The following CPT1A variants were observed in gnomAD, a reference collection of about 807,000 sequenced individuals.
CPT1A encodes the protein carnitine O-palmitoyltransferase 1, liver isoform.
In CPT1A, 64 loss-of-function variants were observed where a neutral mutation model predicts 100.8. The ratio of observed to expected loss-of-function variants is 0.63; its 90% confidence interval spans 0.52 to 0.78. CPT1A has a LOEUF of 0.78. Ranked by LOEUF, CPT1A falls within the 30% of genes least tolerant of loss-of-function variation. The pLI, the probability that CPT1A is intolerant of heterozygous loss-of-function variation, is 0.00. For missense variants in CPT1A, 802 were observed against 1,034.1 expected (o/e 0.78, Z 3.08); for synonymous variants, 363 against 396.0 (o/e 0.92, Z 0.99).
At chr11:68,784,321 G>C (rs1855392531) in intron 10 of CPT1A, among the ~76,000 whole-genome samples, 1 of 152,172 alleles carries the variant, frequency 6.6e-6, no homozygotes, top group African/African-American at 2.4e-5. Context: ...AGAACTTTGG[G>C]AGGCCAAGGT....
chr11:68,837,724 A>G (rs1398777228), intron 1 of CPT1A, among the ~76,000 whole-genome samples: 6 of 152,072 alleles, frequency 3.9e-5, no homozygotes, highest in Non-Finnish European at 8.8e-5. Context: ...CTGTAATCCC[A>G]GTGCTTTGGG....
chr11:68,784,868 G>A lies in CPT1A; in HGVS notation c.1110C>T (p.Thr370=), dbSNP rs768865335. The change falls in exon 10 of 19, where the codon ACC becomes ACT. Residue 370 remains threonine, a synonymous_variant. Coordinates refer to ENST00000265641, the MANE Select transcript of CPT1A (RefSeq NM_001876.4). ...TGGCCTCCCCGGGCTGAGGCTCCGA[G>A]GTATTGTCCAGGATCCTCTGCATCT... is the stretch of plus-strand genomic sequence containing the variant. ...EQQMQRILDN[T]SEPQPGEARL... 3 of 1,613,690 alleles carry A rather than the reference G, an allele frequency of 1.9e-6. No individual in the cohort carries two copies. Among genetic ancestry groups the A allele is most frequent in the Middle Eastern group, 1.6e-4 (1 of 6,084 alleles).
rs769217114 is a variant in CPT1A at position 68,759,631 on chromosome 11, T to TGTAC, written c.2169_2172dup (p.Ile725ValfsTer21). On this transcript the variant is annotated frameshift_variant, in exon 18 of 19. Coordinates refer to ENST00000265641, the MANE Select transcript of CPT1A (RefSeq NM_001876.4). LOFTEE classifies it high-confidence loss of function. ...TTGATGAGGTTCTCTCCCACAAGGA[T>TGTAC]GTACGACACACCATAGCCGTCATCA... is the stretch of plus-strand genomic sequence containing the variant. 6.2e-7 allele frequency: 1 copy of TGTAC among 1,613,928 alleles called. No individual in the cohort carries two copies. Among genetic ancestry groups the TGTAC allele is most frequent in the Non-Finnish European group, 8.5e-7 (1 of 1,179,824 alleles).
chr11:68,800,437 T>A (rs1321947541), intron 5 of CPT1A, among the ~76,000 whole-genome samples: 1 of 148,452 alleles, frequency 6.7e-6, no homozygotes, highest in Non-Finnish European at 1.5e-5. Context: ...GCCCAAGCAA[T>A]CTTGACCAGT....
intron 1 of CPT1A, among the ~76,000 whole-genome samples, chr11:68,835,168 A>T (rs896007637): frequency 6.6e-6 from 1 of 152,256 alleles, no homozygotes; most frequent in African/African-American, 2.4e-5. Context: ...AGACCCAGTT[A>T]TCTGACCTAG....
chr11:68,821,754 C>G (rs1856590785), intron 1 of CPT1A, among the ~76,000 whole-genome samples: 1 of 152,006 alleles, frequency 6.6e-6, no homozygotes. Flanking sequence ...TTGGTTAAAT[C>G]CACAGAAGCA....
At chr11:68,779,907 A>C (rs1855259507) in intron 12 of CPT1A, among the ~76,000 whole-genome samples, 3 of 152,002 alleles carry the variant, frequency 2.0e-5, no homozygotes, top group Non-Finnish European at 2.9e-5. Flanking sequence ...ATGATGTCTT[A>C]GGTAAAAGAC....
intron 1 of CPT1A, among the ~76,000 whole-genome samples, chr11:68,816,846 T>A (rs1856413269): frequency 7.2e-6 from 1 of 138,284 alleles, no homozygotes; most frequent in South Asian, 2.4e-4. Flanking sequence ...GTGTGGTGTG[T>A]GCGTGTGTGG....
At chr11:68,834,408 C>A (rs936126357) in intron 1 of CPT1A, among the ~76,000 whole-genome samples, 1 of 152,034 alleles carries the variant, frequency 6.6e-6, no homozygotes, top group African/African-American at 2.4e-5. Flanking sequence ...TGCACCCCAG[C>A]CTGGGTGACA....
In CPT1A at chr11:68,815,410, C is replaced by T. The variant is rs141658962; in HGVS notation, c.65G>A (p.Arg22Gln). The change falls in exon 2 of 19, where the codon CGG becomes CAG. Residue 22 changes from arginine (R) to glutamine (Q), a missense_variant. Arg to Gln is a conservative substitution (Grantham distance 43). Coordinates refer to ENST00000265641, the MANE Select transcript of CPT1A (RefSeq NM_001876.4). ...TTGTCTAAGAGCTTCATGGCTCAGCCGCAGGTCAATCCCGTCCGGAGTGAC... is the reference window on the plus strand; with the variant it reads ...TTGTCTAAGAGCTTCATGGCTCAGCTGCAGGTCAATCCCGTCCGGAGTGAC... ...FTVTPDGIDLRLSHEALRQIY... is the reference protein window; with the variant it reads ...FTVTPDGIDLQLSHEALRQIY... 18 of 1,614,018 alleles carry T rather than the reference C, an allele frequency of 1.1e-5. No homozygotes were observed. Among genetic ancestry groups the T allele is most frequent in the African/African-American group, 5.3e-5 (4 of 74,920 alleles).
intron 1 of CPT1A, among the ~76,000 whole-genome samples, chr11:68,828,666 T>C (rs184414018): frequency 1.2e-3 from 185 of 152,310 alleles, no homozygotes; most frequent in African/African-American, 4.3e-3. Flanking sequence ...GGCAGCCTCT[T>C]TGCTCACCCC....
At chr11:68,775,179 C>T (rs777393473) in intron 13 of CPT1A, 137 bp downstream of exon 13, 55 of 737,718 alleles carry the variant, frequency 7.5e-5, no homozygotes, top group Non-Finnish European at 1.2e-4. Context: ...ACTCCCTGAG[C>T]AAACAACTTT....
chr11:68,776,454 A>G (rs1034189882), intron 12 of CPT1A, among the ~76,000 whole-genome samples: 1 of 152,318 alleles, frequency 6.6e-6, no homozygotes, highest in East Asian at 1.9e-4. Context: ...GACATAGAAG[A>G]CCACATATTG....
chr11:68,790,887 G>T (rs763864226), intron 9 of CPT1A, among the ~76,000 whole-genome samples: 1 of 151,966 alleles, frequency 6.6e-6, no homozygotes, highest in Non-Finnish European at 1.5e-5. Flanking sequence ...GCAGTGGCAT[G>T]ATCTTGGCTC....
Position 68,785,015 on chromosome 11 carries a change from G to C in CPT1A, c.968-5C>G. 6.2e-7 allele frequency: 1 copy of C among 1,613,262 alleles called. No individual in the cohort carries two copies. The highest frequency in any genetic ancestry group is 8.5e-7 in the Non-Finnish European group (1 of 1,179,988). ...CTCTCATGTGCTGGATGGTGTCTGA[G>C]CCGGCCGCAGGTTGGAGACACAAAA... On this transcript the variant is annotated splice_polypyrimidine_tract_variant and splice_region_variant and intron_variant, in intron 9 of 18. Transcript: ENST00000265641.
In CPT1A at chr11:68,760,196, T is replaced by C. The variant is rs763554146; in HGVS notation, c.2142+29A>G. On this transcript the variant is annotated intron_variant, in intron 17 of 18. Coordinates refer to ENST00000265641, the MANE Select transcript of CPT1A (RefSeq NM_001876.4). Reference sequence around the variant, plus strand: ...TACCCATCCCATCACCACGCCCCACTGCGCCTCGCCCAGCCCCGCCGCACT... The same window carrying C: ...TACCCATCCCATCACCACGCCCCACCGCGCCTCGCCCAGCCCCGCCGCACT... The C allele has an allele frequency of 2.6e-6, 4 of 1,524,218 alleles. No homozygotes were observed. The East Asian group carries it at 6.9e-5, about 26-fold the overall frequency. 94.4% of individuals were successfully genotyped at this position (1,524,218 alleles called of 1,614,324 possible).
In CPT1A at chr11:68,775,437, CA is replaced by C; in HGVS notation, c.1459-6del. On this transcript the variant is annotated splice_region_variant and splice_polypyrimidine_tract_variant and intron_variant, in intron 12 of 18. Coordinates refer to ENST00000265641, the MANE Select transcript of CPT1A (RefSeq NM_001876.4). ...GCTGTCAATGGACATGACGTACTGTCAAAAATAGAACAAAATTATTAAAACT... is the reference window on the plus strand; with the variant it reads ...GCTGTCAATGGACATGACGTACTGTCAAAATAGAACAAAATTATTAAAACT... The C allele has an allele frequency of 6.2e-7, 1 of 1,606,070 alleles. No individual in the cohort carries two copies. Among genetic ancestry groups the C allele is most frequent in the Non-Finnish European group, 8.5e-7 (1 of 1,172,728 alleles).
chr11:68,797,104 G>A (rs999348302), intron 6 of CPT1A, among the ~76,000 whole-genome samples, 171 bp from the exon 7 acceptor site: 6 of 152,114 alleles, frequency 3.9e-5, no homozygotes, highest in African/African-American at 9.7e-5. Context: ...GATGGAATGC[G>A]ACACCGTGGG....
chr11:68,811,454 C>T (rs1263467800), intron 3 of CPT1A, among the ~76,000 whole-genome samples: 7 of 152,122 alleles, frequency 4.6e-5, no homozygotes, highest in African/African-American at 1.7e-4. Flanking sequence ...CACGAGGAAG[C>T]TGAGTTGCCC....
Sources: allele counts gnomAD v4.1 joint callset (sites outside exome capture counted in the v4.1 genomes callset), GRCh38; gene constraint gnomAD v4.1.1; transcripts MANE v1.5; gene names NCBI Gene and HGNC (gene_info 2026-07-23, HGNC 2026-07-21).